Variants in NKAIN2 observed in about 807,000 individuals in gnomAD.
NKAIN2 encodes sodium/potassium-transporting ATPase subunit beta-1-interacting protein 2.
In NKAIN2, 14 loss-of-function variants were observed where a neutral mutation model predicts 32.6. The observed-to-expected ratio is 0.43, with a 90% confidence interval of 0.28 to 0.67. The LOEUF (loss-of-function observed/expected upper bound fraction) is 0.67, where lower values mean the gene tolerates loss of function less well. Among genes scored for constraint, NKAIN2 ranks in the 30% least tolerant of loss-of-function variants. NKAIN2 has a pLI of 0.17. For missense variants in NKAIN2, 198 were observed against 258.3 expected, an observed-to-expected ratio of 0.77 and a Z score of 1.60; for synonymous variants, 80 against 87.2, an observed-to-expected ratio of 0.92 and a Z score of 0.46.
chr6:124,483,337 TA>T (rs1437225322), intron 3 of NKAIN2, among the ~76,000 whole-genome samples: 1 of 152,166 alleles, frequency 6.6e-6, no homozygotes, highest in African/African-American at 2.4e-5. Context: ...TACATTTTGC[TA>T]AGAGATAATC....
chr6:124,013,087 G>A (rs1189296642), intron 1 of NKAIN2, among the ~76,000 whole-genome samples: 1 of 152,078 alleles, frequency 6.6e-6, no homozygotes, highest in African/African-American at 2.4e-5. Context: ...AACTAACGAT[G>A]ATGAACATCT....
At chr6:124,712,099 T>C (rs541148207) in intron 4 of NKAIN2, among the ~76,000 whole-genome samples, 1 of 151,520 alleles carries the variant, frequency 6.6e-6, no homozygotes, top group Non-Finnish European at 1.5e-5. Flanking sequence ...AGTGTGCCCC[T>C]GCTGGGGGGT....
At chr6:124,705,839 C>T (rs1277968744) in intron 4 of NKAIN2, among the ~76,000 whole-genome samples, 3 of 151,958 alleles carry the variant, frequency 2.0e-5, no homozygotes, top group African/African-American at 7.3e-5. Context: ...CTCAATTAAG[C>T]ATATGTTATT....
At chr6:124,602,497 A>G (rs987900469) in intron 3 of NKAIN2, among the ~76,000 whole-genome samples, 2 of 151,976 alleles carry the variant, frequency 1.3e-5, no homozygotes, top group Admixed American at 6.6e-5. Flanking sequence ...AAACAAAGGC[A>G]TAGGTAAAAT....
chr6:124,409,790 A>G (rs146235825), intron 3 of NKAIN2, among the ~76,000 whole-genome samples: 2 of 151,966 alleles, frequency 1.3e-5, no homozygotes, highest in South Asian at 2.1e-4. Context: ...CATTGTACCT[A>G]TGGTAGAATT....
intron 1 of NKAIN2, among the ~76,000 whole-genome samples, chr6:124,172,395 A>G (rs1788937920): frequency 6.6e-6 from 1 of 152,154 alleles, no homozygotes; most frequent in African/African-American, 2.4e-5. Flanking sequence ...TCTAATTCTA[A>G]CTACTGCTGT....
chr6:124,679,401 G>T (rs1406601820), intron 4 of NKAIN2, among the ~76,000 whole-genome samples: 1 of 152,130 alleles, frequency 6.6e-6, no homozygotes, highest in Non-Finnish European at 1.5e-5. Flanking sequence ...CAAAAAGTAT[G>T]AATGTCGGAC....
intron 3 of NKAIN2, among the ~76,000 whole-genome samples, chr6:124,471,098 G>T (rs1467052115): frequency 6.6e-6 from 1 of 151,938 alleles, no homozygotes; most frequent in East Asian, 1.9e-4. Flanking sequence ...TTTACTAGTT[G>T]GCCTCAACAG....
rs555258215 is a variant in NKAIN2, at chr6:124,207,107, T to C, written c.55-75898T>C. ...GCCCAGTAAGTGTTTTCTGAATAAA[T>C]GGATAAGCAAATATTGTTTCAACAT... is the stretch of plus-strand genomic sequence containing the variant. On this transcript the variant is annotated intron_variant, in intron 1 of 6. Coordinates refer to ENST00000368417, the MANE Select transcript of NKAIN2 (RefSeq NM_001040214.3). 3.7e-4 allele frequency among the ~76,000 whole-genome samples: 56 copies of C among 151,724 alleles called. 1 individual carries two copies. In the South Asian group the frequency reaches 0.011, roughly 29 times the overall value.
chr6:124,541,732 A>G (rs1022307624), intron 3 of NKAIN2, among the ~76,000 whole-genome samples: 3 of 152,188 alleles, frequency 2.0e-5, no homozygotes, highest in Admixed American at 6.5e-5. Flanking sequence ...GACCCCAGTT[A>G]GCAGTTGTTT....
intron 3 of NKAIN2, among the ~76,000 whole-genome samples, chr6:124,422,163 T>C (rs576545251): frequency 6.6e-6 from 1 of 152,270 alleles, no homozygotes; most frequent in East Asian, 1.9e-4. Flanking sequence ...ATTTTTAATT[T>C]AGTATATGTC....
intron 3 of NKAIN2, among the ~76,000 whole-genome samples, chr6:124,622,611 T>C (rs376303860): frequency 2.6e-5 from 4 of 152,244 alleles, no homozygotes; most frequent in South Asian, 4.1e-4. Context: ...CTGGGAAGAA[T>C]TGGATCACAT....
intron 1 of NKAIN2, among the ~76,000 whole-genome samples, chr6:123,866,481 A>G (rs1772520485): frequency 6.6e-6 from 1 of 151,852 alleles, no homozygotes; most frequent in Non-Finnish European, 1.5e-5. Flanking sequence ...TCCAGGCTGG[A>G]GTGCGGTGGT....
Position 124,186,923 on chromosome 6 carries a change from AC to A in NKAIN2, c.55-96080del, listed in dbSNP as rs550146330. The stretch of plus-strand genomic sequence containing the variant: ...CTGATTTTTATAATCCTTCTAGGAT[AC>A]CTTAAAACAGAGAATTTTTTCTGAC... On this transcript the variant is annotated intron_variant, in intron 1 of 6. Transcript: ENST00000368417. 2.8e-3 allele frequency among the ~76,000 whole-genome samples: 419 copies of A among 151,898 alleles called. 1 individual carries two copies. Among genetic ancestry groups the A allele is most frequent in the Admixed American group, 5.9e-3 (90 of 15,240 alleles).
rs869207926 is a variant in NKAIN2, at chr6:124,157,268, T to TAC, written c.55-125717_55-125716dup. On this transcript the variant is annotated intron_variant, in intron 1 of 6. Transcript: ENST00000368417. The stretch of plus-strand genomic sequence containing the variant: ...CATAATGGACACACACACACACACA[T>TAC]ACACACACACACACACACACAGCAT... Among the ~76,000 whole-genome samples, 350 of 89,552 alleles carry TAC rather than the reference T, an allele frequency of 3.9e-3. 1 individual carries two copies. The highest frequency in any genetic ancestry group is 7.2e-3 in the African/African-American group (178 of 24,710). 58.7% of individuals were successfully genotyped at this position (89,552 alleles called of 152,430 possible). A position where few individuals can be genotyped will look rare whatever the true frequency, so the allele number is the denominator to read the frequency against.
Position 124,485,066 on chromosome 6 carries a change from T to C in NKAIN2, c.273+129719T>C, listed in dbSNP as rs1005051894. Among the ~76,000 whole-genome samples, 4 of 152,296 alleles carry C rather than the reference T, an allele frequency of 2.6e-5. No individual in the cohort carries two copies. The East Asian group carries it at 7.7e-4, about 29-fold the overall frequency. On this transcript the variant is annotated intron_variant, in intron 3 of 6. Transcript: ENST00000368417. Reference sequence around the variant, plus strand: ...AGAACTGGATTTCAGCTCTTACTCATGCCTTGAGCTGGCCATTAAAAAATA... The same window carrying C: ...AGAACTGGATTTCAGCTCTTACTCACGCCTTGAGCTGGCCATTAAAAAATA...
chr6:124,616,991 A>C (rs1468189610), intron 3 of NKAIN2, among the ~76,000 whole-genome samples: 1 of 152,170 alleles, frequency 6.6e-6, no homozygotes, highest in Non-Finnish European at 1.5e-5. Flanking sequence ...AGTCCCAGAA[A>C]TGTGTTATAA....
intron 2 of NKAIN2, among the ~76,000 whole-genome samples, chr6:124,349,738 C>T (rs977309492): frequency 2.0e-5 from 3 of 152,192 alleles, no homozygotes; most frequent in Admixed American, 6.5e-5. Context: ...GTCTCTGAGC[C>T]TGACCAATAT....
chr6:124,620,191 A>G (rs932437699), intron 3 of NKAIN2, among the ~76,000 whole-genome samples: 1 of 152,144 alleles, frequency 6.6e-6, no homozygotes, highest in Non-Finnish European at 1.5e-5. Context: ...TGCTTTTTAG[A>G]TAAGTATTAC....
Sources: allele counts gnomAD v4.1 joint callset (sites outside exome capture counted in the v4.1 genomes callset), GRCh38; gene constraint gnomAD v4.1.1; transcripts MANE v1.5; gene names NCBI Gene and HGNC (gene_info 2026-07-23, HGNC 2026-07-21).